SLC12A4: variants seen among roughly 807,000 people sequenced by gnomAD.
The protein encoded by SLC12A4 is electroneutral potassium-chloride cotransporter 1.
In SLC12A4, 84 loss-of-function variants were observed where a neutral mutation model predicts 119.2. The observed-to-expected ratio is 0.70, with a 90% CI of 0.59 to 0.85. SLC12A4 has a LOEUF of 0.85. SLC12A4 is among the 40% of genes least tolerant of loss of function. The pLI, the probability that SLC12A4 is intolerant of heterozygous loss-of-function variation, is 0.00. For synonymous variants in SLC12A4, 599 were observed against 604.6 expected, an observed-to-expected ratio of 0.99 and a Z score of 0.14; for missense variants, 1,298 against 1,476.3, an observed-to-expected ratio of 0.88 and a Z score of 1.98.
Position 67,943,927 on chromosome 16 carries a change from AGGGGCCTGGTG to A in SLC12A4, c.*902_*912del. 6.5e-7 allele frequency: 1 copy of A among 1,537,894 alleles called. No individual in the cohort carries two copies. The highest frequency in any genetic ancestry group is 8.8e-7 in the Non-Finnish European group (1 of 1,139,324). ...TCCCCAGGGTCTGGCGTGGTGCATC[AGGGGCCTGGTG>A]GGGGCTTACCGAGGATGACGGGCCG... On this transcript the variant is annotated 3_prime_UTR_variant, in exon 24 of 24. Coordinates refer to ENST00000316341, the MANE Select transcript of SLC12A4 (RefSeq NM_005072.5). This position sits in a 1 kb window ranked among gnomAD's most constrained non-coding sequence, Gnocchi z 4.6.
rs1426863582 is a variant in SLC12A4 at position 67,947,724 on chromosome 16, C to T, written c.1912G>A (p.Ala638Thr). ...ALMFVSSWYY[A>T]LVAMLIAGMI... Reference sequence around the variant, plus strand: ...CCGGCGATGAGCATGGCCACCAGGGCATAGTACCAGGAGGAGACAAACATA... The same window carrying T: ...CCGGCGATGAGCATGGCCACCAGGGTATAGTACCAGGAGGAGACAAACATA... The change falls in exon 15 of 24, where the codon GCC (alanine) becomes ACC (threonine). Residue 638 changes from alanine (A) to threonine (T), a missense_variant. Transcript: ENST00000316341. The T allele has an allele frequency of 6.2e-7, 1 of 1,600,488 alleles. No homozygotes were observed. The highest frequency in any genetic ancestry group is 1.3e-5 in the African/African-American group (1 of 74,752).
In SLC12A4 at chr16:67,955,840, C is replaced by T. The variant is rs2030229014; in HGVS notation, c.545-1067G>A. Among the ~76,000 whole-genome samples, 3 of 151,190 alleles carry T rather than the reference C, an allele frequency of 2.0e-5. No homozygotes were observed. In the South Asian group the frequency reaches 6.3e-4, roughly 31 times the overall value. On this transcript the variant is annotated intron_variant, in intron 5 of 23. Coordinates refer to ENST00000316341, the MANE Select transcript of SLC12A4 (RefSeq NM_005072.5). The stretch of plus-strand genomic sequence containing the variant: ...GGTGCAGTGAGCCGAGATCATGCCA[C>T]TTCACTCTAGCCTGGCGACAGAGTG...
chr16:67,960,454 C>A (rs183832394), intron 3 of SLC12A4, among the ~76,000 whole-genome samples: 84 of 152,180 alleles, frequency 5.5e-4, no homozygotes, highest in Non-Finnish European at 1.1e-3. Flanking sequence ...GTTTGCCTCC[C>A]TGAAGGGCAA....
At position 67,949,312 on chromosome 16, in the gene SLC12A4, G is replaced by A. The variant is rs1276602030; in HGVS notation, c.1748+488C>T. 6.6e-6 allele frequency among the ~76,000 whole-genome samples: 1 copy of A among 152,120 alleles called. No individual in the cohort carries two copies. Among genetic ancestry groups the A allele is most frequent in the Non-Finnish European group, 1.5e-5 (1 of 68,022 alleles). ...TAAAAATACAAAAAATTAGCTGGGC[G>A]TGGTGGTGCATTTCTGTAATCCCAG... On this transcript the variant is annotated intron_variant, in intron 13 of 23. Coordinates refer to ENST00000316341, the MANE Select transcript of SLC12A4 (RefSeq NM_005072.5). The surrounding 1 kb of genome is among the most constrained non-coding windows in gnomAD (Gnocchi z 4.6).
In SLC12A4 at chr16:67,943,805, T is replaced by C. The variant is rs558657897; in HGVS notation, c.*1035A>G. 2.6e-6 allele frequency: 2 copies of C among 755,254 alleles called. No individual in the cohort carries two copies. The highest frequency in any genetic ancestry group is 4.0e-5 in the South Asian group (2 of 50,166). The allele number at this position is 755,254 out of a possible 1,614,324, so 46.8% of individuals were successfully genotyped here. ...CGTCATTCCTCTAAGGGACAAGCTT[T>C]TGGCCCCTCCCCACACCAGGGCAGG... On this transcript the variant is annotated 3_prime_UTR_variant, in exon 24 of 24. Transcript: ENST00000316341. This position sits in a 1 kb window ranked among gnomAD's most constrained non-coding sequence, Gnocchi z 4.6.
chr16:67,947,887 G>A (rs2058370566), intron 14 of SLC12A4, 99 bp from the exon 15 acceptor site: 11 of 1,512,144 alleles, frequency 7.3e-6, no homozygotes, highest in Admixed American at 2.0e-5. Flanking sequence ...CCGGGTGGGA[G>A]GTCCCAGGTG....
At chr16:67,966,016 C>A (rs2030853557) in intron 1 of SLC12A4, among the ~76,000 whole-genome samples, 1 of 152,192 alleles carries the variant, frequency 6.6e-6, no homozygotes, top group South Asian at 2.1e-4. Context: ...AAGAGTGCTG[C>A]AATTTGGCCA....
In SLC12A4 at chr16:67,945,321, T is replaced by G. The variant is rs1299032829; in HGVS notation, c.3032+48A>C. The G allele has an allele frequency of 1.9e-6, 3 of 1,580,312 alleles. No individual in the cohort carries two copies. In the East Asian group the frequency reaches 6.7e-5, roughly 35 times the overall value. On this transcript the variant is annotated intron_variant, in intron 22 of 23. Coordinates refer to ENST00000316341, the MANE Select transcript of SLC12A4 (RefSeq NM_005072.5). The stretch of plus-strand genomic sequence containing the variant: ...CACTACTTGTCTGCCCCACCCCACC[T>G]CCACCCCTAGATTCCAGTGCCGCTG...
intron 1 of SLC12A4, among the ~76,000 whole-genome samples, chr16:67,967,774 C>T (rs2030927213): frequency 6.6e-6 from 1 of 152,176 alleles, no homozygotes; most frequent in Non-Finnish European, 1.5e-5. Flanking sequence ...TTCACTGCTT[C>T]CTAATGAGAG....
intron 1 of SLC12A4, among the ~76,000 whole-genome samples, chr16:67,965,926 C>T (rs2030847214): frequency 6.6e-6 from 1 of 152,220 alleles, no homozygotes. Context: ...TCCATCAGAG[C>T]CCTGTAGGGG....
chr16:67,946,348 G>A lies in SLC12A4; in HGVS notation c.2438-8C>T, dbSNP rs2058348700. 2.5e-6 allele frequency: 4 copies of A among 1,606,950 alleles called. No homozygotes were observed. The highest frequency in any genetic ancestry group is 3.4e-6 in the Non-Finnish European group (4 of 1,179,926). ...TAGTGCAGCGCACGGTGTCTGGGGA[G>A]GAGGAGCACGGCTGACCACCAGTCT... On this transcript the variant is annotated splice_polypyrimidine_tract_variant and splice_region_variant and intron_variant, in intron 18 of 23. Coordinates refer to ENST00000316341, the MANE Select transcript of SLC12A4 (RefSeq NM_005072.5).
intron 5 of SLC12A4, among the ~76,000 whole-genome samples, chr16:67,956,323 G>A (rs1332419326): frequency 6.6e-6 from 1 of 152,138 alleles, no homozygotes; most frequent in African/African-American, 2.4e-5. Context: ...GTGAAAAAGT[G>A]GAACCCACAG....
At chr16:67,963,849 C>T (rs1218697247) in intron 1 of SLC12A4, 3 of 1,522,614 alleles carry the variant, frequency 2.0e-6, no homozygotes, top group East Asian at 4.9e-5. Context: ...GGGACGGGGC[C>T]TGCAGAGGGG....
rs1319920726 is a variant in SLC12A4, at chr16:67,952,320, A to G, written c.781T>C (p.Phe261Leu). ...MRVYGTIFLTFMTLVVFVGVK... is the reference protein window; with the variant it reads ...MRVYGTIFLTLMTLVVFVGVK... Reference sequence around the variant, plus strand: ...CCCACAAACACCACCAGGGTCATGAAGGTCAGGAAAATGGTCCCATACACA... The same window carrying G: ...CCCACAAACACCACCAGGGTCATGAGGGTCAGGAAAATGGTCCCATACACA... Residue 261 changes from phenylalanine to leucine, a missense_variant, in exon 7 of 24, where the codon TTC becomes CTC. Phe to Leu is a conservative substitution (Grantham distance 22, BLOSUM62 0). Coordinates refer to ENST00000316341, the MANE Select transcript of SLC12A4 (RefSeq NM_005072.5). 1 of 1,614,046 alleles carries G rather than the reference A, an allele frequency of 6.2e-7. No individual in the cohort carries two copies. Among genetic ancestry groups the G allele is most frequent in the Non-Finnish European group, 8.5e-7 (1 of 1,180,042 alleles).
intron 6 of SLC12A4, among the ~76,000 whole-genome samples, chr16:67,953,500 C>T (rs1691495758): frequency 6.6e-6 from 1 of 152,168 alleles, no homozygotes; most frequent in African/African-American, 2.4e-5. Context: ...AGGCAAATCC[C>T]AAGGCAGAAA....
Position 67,961,697 on chromosome 16 carries a change from C to G in SLC12A4, c.220G>C (p.Asp74His). The change falls in exon 3 of 24, where the codon GAC (aspartate) becomes CAC (histidine). Residue 74 changes from aspartate to histidine, a missense_variant. By Grantham distance (81) the Asp-to-His change is moderately conservative. Transcript: ENST00000316341. ...RNLALFEEELDIRPKVSSLLG... is the reference protein window; with the variant it reads ...RNLALFEEELHIRPKVSSLLG... The stretch of plus-strand genomic sequence containing the variant: ...AGAGACGATACCTTTGGGCGGATGT[C>G]CAGCTCTTCCTGCAAACAGAGCCAC... The G allele has an allele frequency of 1.2e-6, 2 of 1,614,098 alleles. No individual in the cohort carries two copies. The highest frequency in any genetic ancestry group is 1.7e-6 in the Non-Finnish European group (2 of 1,179,992).
At chr16:67,948,432 G>A (rs1216930316) in intron 13 of SLC12A4, among the ~76,000 whole-genome samples, 1 of 152,236 alleles carries the variant, frequency 6.6e-6, no homozygotes, top group Non-Finnish European at 1.5e-5. Context: ...AGAGGGTGGT[G>A]CAGGGGCAGC....
chr16:67,948,203 G>T, intron 13 of SLC12A4, 44 bp from the exon 14 acceptor site: 2 of 1,580,616 alleles, frequency 1.3e-6, no homozygotes, highest in Non-Finnish European at 1.7e-6. Flanking sequence ...CTCCTCGGCA[G>T]CTGGGGACCT....
chr16:67,947,596 C>A, intron 15 of SLC12A4, 73 bp downstream of exon 15: 1 of 1,543,584 alleles, frequency 6.5e-7, no homozygotes, highest in Non-Finnish European at 8.8e-7. Flanking sequence ...CTGCCCACCC[C>A]AATGCCAGAC....
Sources: allele counts gnomAD v4.1 joint callset (sites outside exome capture counted in the v4.1 genomes callset), GRCh38; gene constraint gnomAD v4.1.1; non-coding constraint Gnocchi (gnomAD v3.1); transcripts MANE v1.5; gene names NCBI Gene and HGNC (gene_info 2026-07-23, HGNC 2026-07-21).